The following TLL2 variants were observed in gnomAD, a reference collection of about 807,000 sequenced individuals.
TLL2 encodes the protein tolloid like 2.
Under a neutral mutation model 123.0 loss-of-function variants are expected in TLL2, and 106 were observed. The ratio of observed to expected loss-of-function variants is 0.86; its 90% CI spans 0.74 to 1.01. TLL2 has a LOEUF of 1.01. TLL2 is among the 50% of genes least tolerant of loss of function. The pLI is 0.00. For synonymous variants in TLL2, 494 were observed against 516.8 expected, an observed-to-expected ratio of 0.96 and a Z score of 0.60; for missense variants, 1,332 against 1,336.7, an observed-to-expected ratio of 1.00 and a Z score of 0.06.
rs755661390 is a variant in TLL2, at chr10:96,428,748, C to G, written c.521G>C (p.Gly174Ala). Reference protein sequence around the residue: ...IPYVIGGNFTGSQRAIFKQAM... With the variant: ...IPYVIGGNFTASQRAIFKQAM... ...CTGCTTAAAAATGGCCCTCTGGCTCCCTGAAACAACAGGGCAAGCACTCGA... is the reference window on the plus strand; with the variant it reads ...CTGCTTAAAAATGGCCCTCTGGCTCGCTGAAACAACAGGGCAAGCACTCGA... Residue 174 changes from glycine (G) to alanine (A), a missense_variant and splice_region_variant, in exon 5 of 21, where the codon GGG becomes GCG. Physicochemically the swap from Gly to Ala is moderately conservative, Grantham distance 60. Coordinates refer to ENST00000357947, the MANE Select transcript of TLL2 (RefSeq NM_012465.4). 1 of 1,604,796 alleles carries G rather than the reference C, an allele frequency of 6.2e-7. No homozygotes were observed. Among genetic ancestry groups the G allele is most frequent in the Non-Finnish European group, 8.5e-7 (1 of 1,172,922 alleles).
intron 2 of TLL2, among the ~76,000 whole-genome samples, chr10:96,471,413 G>A (rs1018409531): frequency 6.6e-6 from 1 of 152,158 alleles, no homozygotes; most frequent in African/African-American, 2.4e-5. Context: ...CTGCTCCAGA[G>A]TCCCCTGCAG....
At chr10:96,484,626 CACA>C (rs1847340919) in intron 1 of TLL2, among the ~76,000 whole-genome samples, 2 of 143,796 alleles carry the variant, frequency 1.4e-5, no homozygotes, top group Non-Finnish European at 3.1e-5. Context: ...CACACACACA[CACA>C]CCATGGCTTT....
chr10:96,441,204 A>G (rs1053985604), intron 3 of TLL2, among the ~76,000 whole-genome samples: 8 of 152,170 alleles, frequency 5.3e-5, no homozygotes, highest in Admixed American at 3.9e-4. Flanking sequence ...AGGAAGTGCA[A>G]TTTTTAGATT....
chr10:96,441,499 T>C (rs540337190), intron 3 of TLL2, among the ~76,000 whole-genome samples: 5 of 152,216 alleles, frequency 3.3e-5, no homozygotes, highest in Admixed American at 6.5e-5. Context: ...GCACCTGCAG[T>C]TTCTAAAGCT....
At chr10:96,425,754 G>A (rs999900786) in intron 5 of TLL2, among the ~76,000 whole-genome samples, 27 of 151,884 alleles carry the variant, frequency 1.8e-4, no homozygotes, top group Non-Finnish European at 3.5e-4. Context: ...TTGATATTCT[G>A]GGGTTTCTAG....
chr10:96,399,163 GC>G, intron 10 of TLL2, among the ~76,000 whole-genome samples: 1 of 152,130 alleles, frequency 6.6e-6, no homozygotes, highest in South Asian at 2.1e-4. Context: ...GAGCCACCGC[GC>G]CTGGCTGTGA....
At chr10:96,383,264 C>T (rs1020013849) in intron 16 of TLL2, among the ~76,000 whole-genome samples, 11 of 152,192 alleles carry the variant, frequency 7.2e-5, no homozygotes, top group African/African-American at 2.7e-4. Context: ...CAATGTGCTG[C>T]TGTAGTGGGT....
At chr10:96,434,985 T>G (rs1030798277) in intron 3 of TLL2, among the ~76,000 whole-genome samples, 2 of 152,178 alleles carry the variant, frequency 1.3e-5, no homozygotes, top group African/African-American at 4.8e-5. Context: ...TTGTGTATCT[T>G]CTTCAGAGAA....
chr10:96,450,239 A>T (rs1401359111), intron 2 of TLL2, among the ~76,000 whole-genome samples: 1 of 152,130 alleles, frequency 6.6e-6, no homozygotes, highest in African/African-American at 2.4e-5. Context: ...AAAAAGAGAA[A>T]TCAATCATTT....
chr10:96,407,508 C>T (rs72829536), intron 9 of TLL2, among the ~76,000 whole-genome samples: 17,006 of 152,172 alleles, frequency 0.11, 1,215 homozygotes, highest in South Asian at 0.18. Flanking sequence ...GGGGACTGTG[C>T]GAGAAACCAT....
intron 18 of TLL2, 87 bp from the exon 19 acceptor site, chr10:96,373,896 G>T: frequency 8.3e-7 from 1 of 1,200,730 alleles, no homozygotes; most frequent in Non-Finnish European, 1.2e-6. Flanking sequence ...ACAGGAAGGG[G>T]CGAGGCAGTG....
At chr10:96,455,627 G>A (rs994737573) in intron 2 of TLL2, among the ~76,000 whole-genome samples, 1 of 151,314 alleles carries the variant, frequency 6.6e-6, no homozygotes, top group Non-Finnish European at 1.5e-5. Context: ...CACCAGCACC[G>A]TGATAATTTA....
chr10:96,487,019 C>T (rs766939732), intron 1 of TLL2, among the ~76,000 whole-genome samples: 1 of 152,348 alleles, frequency 6.6e-6, no homozygotes, highest in South Asian at 2.1e-4. Flanking sequence ...CTGCAGTCTT[C>T]GTATTGTTCA....
chr10:96,473,765 A>T (rs192344495), intron 2 of TLL2, among the ~76,000 whole-genome samples: 1 of 152,300 alleles, frequency 6.6e-6, no homozygotes, highest in East Asian at 1.9e-4. Flanking sequence ...TCAGATCCAG[A>T]TTTCCTTTTC....
At chr10:96,403,196 T>C (rs2134066441) in intron 10 of TLL2, among the ~76,000 whole-genome samples, 2 of 152,278 alleles carry the variant, frequency 1.3e-5, no homozygotes, top group East Asian at 1.9e-4. Context: ...TGAGTCCTAG[T>C]GTCTACTCCC....
At chr10:96,437,859 A>G (rs559871620) in intron 3 of TLL2, among the ~76,000 whole-genome samples, 2 of 152,338 alleles carry the variant, frequency 1.3e-5, no homozygotes, top group East Asian at 3.9e-4. Context: ...ATGAACATTC[A>G]TGTACGGATT....
At chr10:96,485,180 A>G (rs574725699) in intron 1 of TLL2, among the ~76,000 whole-genome samples, 1 of 152,336 alleles carries the variant, frequency 6.6e-6, no homozygotes, top group Non-Finnish European at 1.5e-5. Context: ...CCAAAAAACT[A>G]TTAGGAGGAA....
chr10:96,494,306 C>A (rs997855327), intron 1 of TLL2, among the ~76,000 whole-genome samples: 1 of 152,200 alleles, frequency 6.6e-6, no homozygotes, highest in Non-Finnish European at 1.5e-5. Context: ...AGAGGGAGAC[C>A]CCTCCACTCC....
chr10:96,430,363 G>A (rs913674409), intron 4 of TLL2, among the ~76,000 whole-genome samples: 1 of 152,136 alleles, frequency 6.6e-6, no homozygotes, highest in African/African-American at 2.4e-5. Flanking sequence ...GCTTCCTGAG[G>A]CCTCACCAGG....
Sources: allele counts gnomAD v4.1 joint callset (sites outside exome capture counted in the v4.1 genomes callset), GRCh38; gene constraint gnomAD v4.1.1; transcripts MANE v1.5; gene names NCBI Gene and HGNC (gene_info 2026-07-23, HGNC 2026-07-21).